The following DGKB variants were observed in gnomAD, a reference collection of about 807,000 sequenced individuals.
DGKB encodes diacylglycerol kinase beta.
A neutral mutation model predicts 114.3 loss-of-function variants in DGKB; 67 were observed. The ratio of observed to expected loss-of-function variants is 0.59; its 90% confidence interval spans 0.48 to 0.72. The LOEUF is 0.72. Ranked by LOEUF, DGKB falls within the 30% of genes least tolerant of loss-of-function variation. DGKB has a pLI of 0.00. For synonymous variants in DGKB, 398 were observed against 323.1 expected, an observed-to-expected ratio of 1.23 and a Z score of -2.49; for missense variants, 907 against 975.2, an observed-to-expected ratio of 0.93 and a Z score of 0.93.
At chr7:14,484,266 A>G (rs1007285704) in intron 20 of DGKB, among the ~76,000 whole-genome samples, 5 of 152,290 alleles carry the variant, frequency 3.3e-5, no homozygotes, top group Admixed American at 3.3e-4. Context: ...AAAACTCTAG[A>G]GGTAAAAATT....
At chr7:14,970,045 T>C (rs1478754063) in intron 1 of DGKB, among the ~76,000 whole-genome samples, 1 of 152,220 alleles carries the variant, frequency 6.6e-6, no homozygotes, top group Non-Finnish European at 1.5e-5. Context: ...GGCATGTGAC[T>C]GTATTTGAAA....
rs148816520 is a variant in DGKB, at chr7:14,771,953, T to A, written c.71-14222A>T. ...AATACTTGATCTCCACAATTCTTTATCTTAACCTGAACACTCCTTTCCATT... is the reference window on the plus strand; with the variant it reads ...AATACTTGATCTCCACAATTCTTTAACTTAACCTGAACACTCCTTTCCATT... On this transcript the variant is annotated intron_variant, in intron 2 of 25. Transcript: ENST00000402815. 2.7e-5 allele frequency among the ~76,000 whole-genome samples: 4 copies of A among 148,780 alleles called. No individual in the cohort carries two copies. In the East Asian group the frequency reaches 7.9e-4, roughly 29 times the overall value.
intron 4 of DGKB, chr7:14,750,287 A>G (rs905704475): frequency 2.2e-6 from 1 of 445,698 alleles, no homozygotes. Flanking sequence ...TATCAGTATT[A>G]GATGCATTTG....
At chr7:14,954,478 T>G (rs1028596074) in intron 1 of DGKB, among the ~76,000 whole-genome samples, 1 of 152,054 alleles carries the variant, frequency 6.6e-6, no homozygotes, top group Non-Finnish European at 1.5e-5. Flanking sequence ...AGTATAGTGA[T>G]TTGACTTGAT....
chr7:14,395,012 C>A (rs924459847), intron 21 of DGKB, among the ~76,000 whole-genome samples: 1 of 152,036 alleles, frequency 6.6e-6, no homozygotes, highest in East Asian at 1.9e-4. Flanking sequence ...GCAACAGGAA[C>A]TAACAACAAG....
intron 20 of DGKB, among the ~76,000 whole-genome samples, chr7:14,530,835 A>G (rs528512159): frequency 1.4e-4 from 21 of 151,756 alleles, no homozygotes; most frequent in Admixed American, 7.9e-4. Flanking sequence ...AGATGCTAGC[A>G]GAAAATGTCA....
chr7:14,754,050 G>A, intron 3 of DGKB, 102 bp from the exon 4 acceptor site: 2 of 865,196 alleles, frequency 2.3e-6, no homozygotes, highest in Admixed American at 2.5e-5. Context: ...AAGTTTACAG[G>A]TTGATTTTAA....
chr7:14,364,495 A>G (rs953368855), intron 21 of DGKB, among the ~76,000 whole-genome samples: 14 of 152,064 alleles, frequency 9.2e-5, no homozygotes, highest in Admixed American at 2.6e-4. Flanking sequence ...GTTACATTCA[A>G]TCGTCACAAT....
chr7:14,765,352 C>A (rs980071929), intron 2 of DGKB, among the ~76,000 whole-genome samples: 3 of 151,866 alleles, frequency 2.0e-5, no homozygotes, highest in Admixed American at 6.6e-5. Context: ...TTTGAGCAAC[C>A]TGTTACACAT....
At chr7:14,257,278 G>A (rs145021562) in intron 23 of DGKB, among the ~76,000 whole-genome samples, 5 of 152,008 alleles carry the variant, frequency 3.3e-5, no homozygotes, top group East Asian at 3.8e-4. Context: ...ACCTGAACAC[G>A]AAATGCATTT....
At chr7:14,181,046 T>A (rs1020295569) in intron 23 of DGKB, among the ~76,000 whole-genome samples, 30 of 152,150 alleles carry the variant, frequency 2.0e-4, no homozygotes, top group Non-Finnish European at 4.0e-4. Flanking sequence ...AATGGTTTTA[T>A]ATATTTAAAA....
rs752379513 is a variant in DGKB, at chr7:14,892,120, A to G, written c.-188+10472T>C. ...AGGGAGAATGAGAAAAAAGTCATGG[A>G]AGAAAATGAGGTGGGTCAAGCTACT... On this transcript the variant is annotated intron_variant, in intron 1 of 25. Coordinates refer to ENST00000402815, the MANE Select transcript of DGKB (RefSeq NM_001350709.2). Among the ~76,000 whole-genome samples, 14 of 151,336 alleles carry G rather than the reference A, an allele frequency of 9.3e-5. 1 individual carries two copies. Among genetic ancestry groups the G allele is most frequent in the Non-Finnish European group, 3.0e-5 (2 of 67,518 alleles).
chr7:14,894,155 C>T (rs1340793510), intron 1 of DGKB, among the ~76,000 whole-genome samples: 3 of 151,160 alleles, frequency 2.0e-5, no homozygotes, highest in Non-Finnish European at 3.0e-5. Flanking sequence ...TTAGAGATGC[C>T]GATTCTCATG....
chr7:14,219,462 G>A (rs965820440), intron 23 of DGKB, among the ~76,000 whole-genome samples: 1 of 151,838 alleles, frequency 6.6e-6, no homozygotes, highest in Middle Eastern at 3.4e-3. Context: ...ATTCTAATGG[G>A]TGGGCAGTGG....
At chr7:14,537,266 G>T (rs1017717600) in intron 20 of DGKB, among the ~76,000 whole-genome samples, 2 of 152,022 alleles carry the variant, frequency 1.3e-5, no homozygotes, top group African/African-American at 4.8e-5. Context: ...TATATTCAGT[G>T]CAATCCCTAT....
chr7:14,759,970 G>T (rs572295562), intron 2 of DGKB, among the ~76,000 whole-genome samples: 1 of 152,292 alleles, frequency 6.6e-6, no homozygotes, highest in African/African-American at 2.4e-5. Context: ...GATGTGAAAT[G>T]ATTCGACTCA....
chr7:14,193,713 A>G (rs960700258), intron 23 of DGKB, among the ~76,000 whole-genome samples: 1 of 152,168 alleles, frequency 6.6e-6, no homozygotes, highest in Non-Finnish European at 1.5e-5. Flanking sequence ...CATTGAACTA[A>G]AAAGCTTTTG....
chr7:14,946,867 C>CA, intron 1 of DGKB, among the ~76,000 whole-genome samples: 1 of 151,824 alleles, frequency 6.6e-6, no homozygotes, highest in South Asian at 2.1e-4. Context: ...TTATATTTGA[C>CA]ATTGTATAAT....
At chr7:14,580,591 T>A (rs915870627) in intron 19 of DGKB, among the ~76,000 whole-genome samples, 7 of 152,112 alleles carry the variant, frequency 4.6e-5, no homozygotes, top group African/African-American at 1.7e-4. Context: ...AACAAAAAAA[T>A]CAAAAACCAA....
Sources: gnomAD v4.1 joint callset for allele counts (sites outside exome capture counted in the v4.1 genomes callset) on GRCh38, gnomAD v4.1.1 for gene constraint, MANE v1.5 for transcripts, NCBI Gene and HGNC (gene_info 2026-07-23, HGNC 2026-07-21) for gene names.